CASQ1: variants seen among roughly 807,000 people sequenced by gnomAD.
CASQ1 encodes the protein calsequestrin-1.
A neutral mutation model predicts 49.5 loss-of-function variants in CASQ1; 40 were observed. The ratio of observed to expected loss-of-function variants is 0.81; its 90% CI spans 0.63 to 1.05. CASQ1 has a LOEUF of 1.05. Ranked by LOEUF, CASQ1 falls within the 50% of genes least tolerant of loss-of-function variation. CASQ1 has a pLI of 0.00. For synonymous variants in CASQ1, 174 were observed against 187.2 expected, an observed-to-expected ratio of 0.93 and a Z score of 0.58; for missense variants, 469 against 486.9, an observed-to-expected ratio of 0.96 and a Z score of 0.35.
chr1:160,199,769 T>TG, intron 9 of CASQ1, 82 bp from the exon 10 acceptor site: 7 of 952,908 alleles, frequency 7.3e-6, no homozygotes. Context: ...TCTCCATCCC[T>TG]GGGCTGACCC....
chr1:160,198,170 T>G, intron 7 of CASQ1: 1 of 161,576 alleles, frequency 6.2e-6, no homozygotes, highest in Non-Finnish European at 1.4e-5. Flanking sequence ...TGTGGGGCCT[T>G]GGAGCTGAAA....
Position 160,195,780 on chromosome 1 carries a change from A to G in CASQ1, c.652-117A>G, listed in dbSNP as rs926803409. On this transcript the variant is annotated intron_variant, in intron 5 of 10. Coordinates refer to ENST00000368078, the MANE Select transcript of CASQ1 (RefSeq NM_001231.5). Reference sequence around the variant, plus strand: ...GACACTTGTCAGGTGTCACAGTGGCAGTGACAAGGATCCCGGCTTTCTGAC... The same window carrying G: ...GACACTTGTCAGGTGTCACAGTGGCGGTGACAAGGATCCCGGCTTTCTGAC... 5.2e-5 allele frequency: 60 copies of G among 1,153,246 alleles called. 1 individual carries two copies. Among genetic ancestry groups the G allele is most frequent in the Non-Finnish European group, 7.5e-5 (60 of 795,634 alleles). The allele number at this position is 1,153,246 out of a possible 1,614,324, so 71.4% of individuals were successfully genotyped here. A position where few individuals can be genotyped will look rare whatever the true frequency, so the allele number is the denominator to read the frequency against.
At position 160,201,542 on chromosome 1, in the gene CASQ1, G is replaced by C. The variant is rs1654375902; in HGVS notation, c.*166G>C. On this transcript the variant is annotated 3_prime_UTR_variant, in exon 11 of 11. Transcript: ENST00000368078. ...GACACTGATCCCCCTCATTTGATGAGCAAATGAGCTACTTTTCCCTAGACA... is the reference window on the plus strand; with the variant it reads ...GACACTGATCCCCCTCATTTGATGACCAAATGAGCTACTTTTCCCTAGACA... The C allele has an allele frequency of 1.5e-6, 1 of 671,492 alleles. No homozygotes were observed. The highest frequency in any genetic ancestry group is 2.6e-5 in the Admixed American group (1 of 38,226). 41.6% of individuals were successfully genotyped at this position (671,492 alleles called of 1,614,324 possible).
chr1:160,199,408 G>A lies in CASQ1; in HGVS notation c.984+355G>A, dbSNP rs1488207620. ...ATTCCCTGTTTCAGGAGATGATTTT[G>A]TTCTCAGCTACATTCCCAACACCTA... is the stretch of plus-strand genomic sequence containing the variant. On this transcript the variant is annotated intron_variant, in intron 9 of 10. Coordinates refer to ENST00000368078, the MANE Select transcript of CASQ1 (RefSeq NM_001231.5). Among the ~76,000 whole-genome samples the A allele has an allele frequency of 3.3e-5, 5 of 152,188 alleles. No individual in the cohort carries two copies. In the East Asian group the frequency reaches 7.7e-4, roughly 23 times the overall value.
intron 1 of CASQ1, among the ~76,000 whole-genome samples, chr1:160,191,929 C>A (rs1327032805): frequency 6.6e-6 from 1 of 152,130 alleles, no homozygotes; most frequent in Non-Finnish European, 1.5e-5. Context: ...GGTGCTAGAA[C>A]CTGCCATCTG....
intron 1 of CASQ1, 146 bp from the exon 2 acceptor site, chr1:160,192,656 G>A: frequency 1.5e-6 from 1 of 689,008 alleles, no homozygotes; most frequent in Non-Finnish European, 2.6e-6. Context: ...TAGGGAATTT[G>A]GGGGATATTC....
At chr1:160,194,967 A>G (rs776927991) in intron 3 of CASQ1, 45 bp from the exon 4 acceptor site, 2 of 1,223,732 alleles carry the variant, frequency 1.6e-6, no homozygotes, top group East Asian at 2.4e-5. Context: ...TTCTGGTTCT[A>G]CTTGAGGATA....
Position 160,193,831 on chromosome 1 carries a change from T to C in CASQ1, c.449T>C (p.Val150Ala), listed in dbSNP as rs760921152. ...YDGEFSADTI[V>A]EFLLDVLEDP... ...GGCGAGTTTTCTGCTGACACCATCG[T>C]GGAGTTTCTGCTTGATGTAAGGACT... The change falls in exon 3 of 11, where the codon GTG becomes GCG. Residue 150 changes from valine to alanine, a missense_variant. Physicochemically the swap from Val to Ala is moderately conservative, Grantham distance 64 (BLOSUM62 0). Coordinates refer to ENST00000368078, the MANE Select transcript of CASQ1 (RefSeq NM_001231.5). 6.2e-7 allele frequency: 1 copy of C among 1,612,098 alleles called. No homozygotes were observed. The highest frequency in any genetic ancestry group is 2.2e-5 in the East Asian group (1 of 44,880).
At chr1:160,191,966 G>A (rs909692547) in intron 1 of CASQ1, among the ~76,000 whole-genome samples, 6 of 152,126 alleles carry the variant, frequency 3.9e-5, no homozygotes, top group Admixed American at 6.5e-5. Context: ...TTTTTATCCT[G>A]AGTGCTCAGT....
In CASQ1 at chr1:160,190,595, C is replaced by T. The variant is rs1430106070; in HGVS notation, c.-157C>T. ...CCCTTGGCTCTGTCGGCAGTTTCTCCAGGACCCAGCAGTGCCCTCTGTCCA... is the reference window on the plus strand; with the variant it reads ...CCCTTGGCTCTGTCGGCAGTTTCTCTAGGACCCAGCAGTGCCCTCTGTCCA... On this transcript the variant is annotated 5_prime_UTR_variant, in exon 1 of 11. Transcript: ENST00000368078. 3.0e-6 allele frequency: 2 copies of T among 670,516 alleles called. No individual in the cohort carries two copies. The highest frequency in any genetic ancestry group is 2.5e-6 in the Non-Finnish European group (1 of 402,896). The allele number at this position is 670,516 out of a possible 1,614,324, so 41.5% of individuals were successfully genotyped here.
intron 10 of CASQ1, among the ~76,000 whole-genome samples, chr1:160,200,612 G>T (rs1654348017): frequency 6.6e-6 from 1 of 152,206 alleles, no homozygotes; most frequent in African/African-American, 2.4e-5. Flanking sequence ...AAGATCAAAA[G>T]TTAAAAACAG....
At chr1:160,199,328 C>G (rs1311196376) in intron 9 of CASQ1, among the ~76,000 whole-genome samples, 2 of 152,260 alleles carry the variant, frequency 1.3e-5, no homozygotes, top group Middle Eastern at 3.4e-3. Context: ...TGTTGTGAGG[C>G]ACAATAGTCC....
intron 5 of CASQ1, 122 bp downstream of exon 5, chr1:160,195,656 C>CG (rs904627044): frequency 7.1e-6 from 6 of 842,724 alleles, no homozygotes; most frequent in Admixed American, 4.1e-5. Context: ...CTACCTGCCC[C>CG]CCCCCCCGGC....
At chr1:160,196,064 T>G in intron 6 of CASQ1, 37 bp downstream of exon 6, 1 of 1,607,832 alleles carries the variant, frequency 6.2e-7, no homozygotes. Context: ...CGGGGTCGGC[T>G]CCTCCTTGGG....
At chr1:160,199,229 G>A (rs906244036) in intron 9 of CASQ1, among the ~76,000 whole-genome samples, 176 bp downstream of exon 9, 4 of 152,178 alleles carry the variant, frequency 2.6e-5, no homozygotes, top group African/African-American at 4.8e-5. Flanking sequence ...TCCTGAGCAA[G>A]GGGAAACAGG....
rs1195364629 is a variant in CASQ1 at position 160,197,553 on chromosome 1, T to A, written c.783-16T>A. On this transcript the variant is annotated splice_polypyrimidine_tract_variant and intron_variant, in intron 6 of 10. Transcript: ENST00000368078. ...TCTAACCCACTGAGTAATGACACTC[T>A]GTCTGTCTCTTCTAGATCAACCCTG... 6.3e-7 allele frequency: 1 copy of A among 1,598,814 alleles called. No homozygotes were observed. Among genetic ancestry groups the A allele is most frequent in the African/African-American group, 1.3e-5 (1 of 74,672 alleles).
At chr1:160,200,412 T>G (rs1039933228) in intron 10 of CASQ1, among the ~76,000 whole-genome samples, 7 of 151,882 alleles carry the variant, frequency 4.6e-5, no homozygotes, top group Non-Finnish European at 7.4e-5. Context: ...AGTGTTCCAT[T>G]AACTACAAGG....
At chr1:160,192,614 T>A in intron 1 of CASQ1, 188 bp from the exon 2 acceptor site, 1 of 610,354 alleles carries the variant, frequency 1.6e-6, no homozygotes, top group Non-Finnish European at 2.9e-6. Flanking sequence ...ATTCATGAAC[T>A]AAGTTGAGCC....
In CASQ1 at chr1:160,190,650, C is replaced by A; in HGVS notation, c.-102C>A. ...TCTGGGCCATTCCCCAATCCCCCCTCCCACTTGAGCCCCTAACTCAGAATC... is the reference window on the plus strand; with the variant it reads ...TCTGGGCCATTCCCCAATCCCCCCTACCACTTGAGCCCCTAACTCAGAATC... On this transcript the variant is annotated 5_prime_UTR_variant, in exon 1 of 11. Coordinates refer to ENST00000368078, the MANE Select transcript of CASQ1 (RefSeq NM_001231.5). 9.1e-7 allele frequency: 1 copy of A among 1,102,548 alleles called. No homozygotes were observed. The highest frequency in any genetic ancestry group is 1.6e-5 in the African/African-American group (1 of 63,730). The allele number at this position is 1,102,548 out of a possible 1,614,324, so 68.3% of individuals were successfully genotyped here.
Sources: gnomAD v4.1 joint callset for allele counts (sites outside exome capture counted in the v4.1 genomes callset) on GRCh38, gnomAD v4.1.1 for gene constraint, MANE v1.5 for transcripts, NCBI Gene and HGNC (gene_info 2026-07-23, HGNC 2026-07-21) for gene names.